The following SDHB variants were observed in gnomAD, a reference collection of about 807,000 sequenced individuals.
The protein encoded by SDHB is succinate dehydrogenase [ubiquinone] iron-sulfur subunit, mitochondrial.
In SDHB, 21 loss-of-function variants were observed where a neutral mutation model predicts 39.7. The observed-to-expected ratio is 0.53, with a 90% CI of 0.37 to 0.76. The LOEUF (loss-of-function observed/expected upper bound fraction) is 0.76, where lower values mean the gene tolerates loss of function less well. SDHB is among the 30% of genes least tolerant of loss of function. The probability of loss-of-function intolerance (pLI) is 0.00; values close to 1 mark genes in which losing one functional copy is unlikely to be tolerated. For missense variants in SDHB, 343 were observed against 350.9 expected, an observed-to-expected ratio of 0.98 and a Z score of 0.18; for synonymous variants, 118 against 117.0, an observed-to-expected ratio of 1.01 and a Z score of -0.06.
intron 6 of SDHB, chr1:17,022,985 T>C: frequency 2.3e-6 from 1 of 439,274 alleles, no homozygotes; most frequent in South Asian, 2.0e-5. Flanking sequence ...ACACACTGGG[T>C]ATCATCTCCT....
chr1:17,030,178 G>T (rs1289405554), intron 3 of SDHB, among the ~76,000 whole-genome samples: 2 of 152,110 alleles, frequency 1.3e-5, no homozygotes, highest in African/African-American at 4.8e-5. Context: ...GACAGAGCAA[G>T]ATTCCATCTC....
At chr1:17,028,115 C>T (rs923974250) in intron 4 of SDHB, among the ~76,000 whole-genome samples, 1 of 152,226 alleles carries the variant, frequency 6.6e-6, no homozygotes, top group Non-Finnish European at 1.5e-5. Context: ...ACAGTCCTTT[C>T]TGCCCTTGAA....
At chr1:17,025,902 C>A (rs1207570714) in intron 5 of SDHB, among the ~76,000 whole-genome samples, 5 of 152,152 alleles carry the variant, frequency 3.3e-5, no homozygotes, top group Non-Finnish European at 2.9e-5. Context: ...CAATATGCTG[C>A]TCAAAGGAAA....
At chr1:17,050,780 C>T (rs1020758125) in intron 1 of SDHB, among the ~76,000 whole-genome samples, 2 of 152,114 alleles carry the variant, frequency 1.3e-5, no homozygotes, top group African/African-American at 2.4e-5. Context: ...TAGAGCTTTG[C>T]TCATCTTGAG....
Position 17,053,700 on chromosome 1 carries a change from TC to T in SDHB, c.72+247del, listed in dbSNP as rs35029966. Among the ~76,000 whole-genome samples, 14,156 of 117,658 alleles carry T rather than the reference TC, an allele frequency of 0.12. 797 individuals are homozygous for T. Among genetic ancestry groups the T allele is most frequent in the African/African-American group, 0.18 (5,857 of 32,206 alleles). 77.2% of individuals were successfully genotyped at this position (117,658 alleles called of 152,430 possible). ...GCAATTCAAGTCCCCTTTCTGAACG[TC>T]CCCCCCCCCCGCACCCTTAGCTGTA... On this transcript the variant is annotated intron_variant, in intron 1 of 7. Coordinates refer to ENST00000375499, the MANE Select transcript of SDHB (RefSeq NM_003000.3).
chr1:17,033,357 C>A (rs2078033601), intron 2 of SDHB, among the ~76,000 whole-genome samples: 1 of 152,168 alleles, frequency 6.6e-6, no homozygotes, highest in African/African-American at 2.4e-5. Context: ...AAACACATTT[C>A]TAGGAAATGG....
At chr1:17,048,916 G>A (rs918060461) in intron 1 of SDHB, among the ~76,000 whole-genome samples, 1 of 152,072 alleles carries the variant, frequency 6.6e-6, no homozygotes, top group Non-Finnish European at 1.5e-5. Context: ...TCACCATGTT[G>A]GCCAGGCTGG....
chr1:17,022,042 T>C (rs2077964684), intron 7 of SDHB, among the ~76,000 whole-genome samples: 1 of 152,074 alleles, frequency 6.6e-6, no homozygotes. Flanking sequence ...GAAACTGTGC[T>C]GAGAAGTGCT....
chr1:17,044,760 C>T lies in SDHB; in HGVS notation c.200+1G>A, dbSNP rs2101541309. ...TAGCTGGCTTTCACAGAGATACTCACTTATTAAGGTCAACTTCATAAGTCT... is the reference window on the plus strand; with the variant it reads ...TAGCTGGCTTTCACAGAGATACTCATTTATTAAGGTCAACTTCATAAGTCT... On this transcript the variant is annotated splice_donor_variant, in intron 2 of 7. Coordinates refer to ENST00000375499, the MANE Select transcript of SDHB (RefSeq NM_003000.3). LOFTEE classifies it high-confidence loss of function. The T allele has an allele frequency of 6.2e-7, 1 of 1,614,104 alleles. No individual in the cohort carries two copies. Among genetic ancestry groups the T allele is most frequent in the Non-Finnish European group, 8.5e-7 (1 of 1,179,988 alleles).
At chr1:17,023,272 G>A (rs1228132255) in intron 6 of SDHB, 1 of 202,558 alleles carries the variant, frequency 4.9e-6, no homozygotes, top group Non-Finnish European at 1.0e-5. Context: ...TTACTTAGAG[G>A]ACCTCTACAT....
intron 2 of SDHB, among the ~76,000 whole-genome samples, chr1:17,037,988 A>G (rs1008813936): frequency 1.3e-5 from 2 of 152,140 alleles, no homozygotes; most frequent in Non-Finnish European, 2.9e-5. Flanking sequence ...AATACAAAAG[A>G]ATTAGCTGGG....
At chr1:17,025,266 C>A (rs761555053) in intron 5 of SDHB, among the ~76,000 whole-genome samples, 19 of 151,924 alleles carry the variant, frequency 1.3e-4, no homozygotes, top group Non-Finnish European at 2.1e-4. Context: ...AAAATGCTCA[C>A]AATAACATAA....
In SDHB at chr1:17,027,849, T is replaced by A. The variant is rs774568101; in HGVS notation, c.440A>T (p.Tyr147Phe). Residue 147 changes from tyrosine to phenylalanine, a missense_variant, in exon 5 of 8, where the codon TAT becomes TTT. Physicochemically the swap from Tyr to Phe is conservative, Grantham distance 22. Coordinates refer to ENST00000375499, the MANE Select transcript of SDHB (RefSeq NM_003000.3). ...AGGCTCAATGGATTTGTACTGTGCA[T>A]AGAAGTTGCTCAAATCCTGTGGTTA... ...KDLVPDLSNF[Y>F]AQYKSIEPYL... 1.2e-6 allele frequency: 2 copies of A among 1,607,112 alleles called. No individual in the cohort carries two copies. The highest frequency in any genetic ancestry group is 1.3e-5 in the African/African-American group (1 of 74,758).
At chr1:17,018,981 A>T in intron 7 of SDHB, 23 bp from the exon 8 acceptor site, 1 of 1,561,356 alleles carries the variant, frequency 6.4e-7, no homozygotes, top group Non-Finnish European at 8.8e-7. Flanking sequence ...GAAAAGAATC[A>T]ATAACAAATG....
chr1:17,041,491 G>A (rs1313966026), intron 2 of SDHB, among the ~76,000 whole-genome samples: 1 of 151,990 alleles, frequency 6.6e-6, no homozygotes, highest in Non-Finnish European at 1.5e-5. Context: ...CCAACATGGC[G>A]AAACCCCAAC....
At chr1:17,053,459 G>A (rs2078159835) in intron 1 of SDHB, among the ~76,000 whole-genome samples, 1 of 151,992 alleles carries the variant, frequency 6.6e-6, no homozygotes, top group Non-Finnish European at 1.5e-5. Flanking sequence ...CCCCTGCCCT[G>A]TCCCCAACAA....
chr1:17,048,071 A>G (rs941329166), intron 1 of SDHB, among the ~76,000 whole-genome samples: 1 of 152,214 alleles, frequency 6.6e-6, no homozygotes, highest in African/African-American at 2.4e-5. Flanking sequence ...TAGTCAAGAT[A>G]GGGGACATTC....
At chr1:17,050,164 A>G (rs575065793) in intron 1 of SDHB, among the ~76,000 whole-genome samples, 1 of 152,276 alleles carries the variant, frequency 6.6e-6, no homozygotes, top group African/African-American at 2.4e-5. Flanking sequence ...AAAGAGACTA[A>G]GTTTGTATTA....
chr1:17,026,598 C>T (rs2077993081), intron 5 of SDHB, among the ~76,000 whole-genome samples: 1 of 152,054 alleles, frequency 6.6e-6, no homozygotes, highest in Non-Finnish European at 1.5e-5. Flanking sequence ...CAACTGACCT[C>T]AAGTGATCCG....
Sources: gnomAD v4.1 joint callset for allele counts (sites outside exome capture counted in the v4.1 genomes callset) on GRCh38, gnomAD v4.1.1 for gene constraint, MANE v1.5 for transcripts, NCBI Gene and HGNC (gene_info 2026-07-23, HGNC 2026-07-21) for gene names.